Variants in TMEM45B observed in about 807,000 individuals in gnomAD.
TMEM45B encodes the protein transmembrane protein 45B.
In TMEM45B, 29 loss-of-function variants were observed where a neutral mutation model predicts 27.3. The ratio of observed to expected loss-of-function variants is 1.06; its 90% confidence interval spans 0.79 to 1.45. The LOEUF (loss-of-function observed/expected upper bound fraction) is 1.45. TMEM45B is among the 40% of genes most tolerant of loss of function. The probability of loss-of-function intolerance (pLI) is 0.00; values close to 1 mark genes in which losing one functional copy is unlikely to be tolerated. For missense variants in TMEM45B, 348 were observed against 343.9 expected, an observed-to-expected ratio of 1.01 and a Z score of -0.09; for synonymous variants, 143 against 134.7, an observed-to-expected ratio of 1.06 and a Z score of -0.43.
intron 1 of TMEM45B, among the ~76,000 whole-genome samples, chr11:129,831,783 A>C (rs4635087): frequency 0.28 from 43,278 of 151,960 alleles, 6,477 homozygotes; most frequent in South Asian, 0.35. Flanking sequence ...AAAGGAATGA[A>C]GTGGCCAGGC....
At chr11:129,830,028 G>T (rs1485190270) in intron 1 of TMEM45B, among the ~76,000 whole-genome samples, 1 of 152,220 alleles carries the variant, frequency 6.6e-6, no homozygotes, top group Admixed American at 6.5e-5. Flanking sequence ...ATATACAAAA[G>T]TTAAGTCAAA....
intron 1 of TMEM45B, among the ~76,000 whole-genome samples, chr11:129,851,543 CAA>C (rs71057982): frequency 0.4 from 22,240 of 54,986 alleles, 5,573 homozygotes; most frequent in South Asian, 0.51. Context: ...AACTCTGCCT[CAA>C]AAAAAAAAAA....
intron 1 of TMEM45B, among the ~76,000 whole-genome samples, chr11:129,832,122 G>A (rs527657321): frequency 1.4e-5 from 2 of 143,964 alleles, no homozygotes; most frequent in South Asian, 2.2e-4. Flanking sequence ...TGTAATCCCA[G>A]CACTTTGGGA....
intron 1 of TMEM45B, among the ~76,000 whole-genome samples, chr11:129,832,412 C>T (rs1178386034): frequency 1.3e-5 from 2 of 152,020 alleles, no homozygotes; most frequent in Non-Finnish European, 2.9e-5. Context: ...CATGCTATAC[C>T]ATGGATGAAT....
In TMEM45B at chr11:129,841,525, A is replaced by G. The variant is rs1002956933; in HGVS notation, c.-8-10950A>G. Among the ~76,000 whole-genome samples the G allele has an allele frequency of 2.3e-4, 32 of 137,704 alleles. No homozygotes were observed. In the Admixed American group the frequency reaches 2.5e-3, roughly 11 times the overall value. 90.3% of individuals were successfully genotyped at this position (137,704 alleles called of 152,430 possible). Reference sequence around the variant, plus strand: ...GGGACTTGAAAACTGGCCTTCTCCAACCCCCACACAGAGGGACTGACAGGG... The same window carrying G: ...GGGACTTGAAAACTGGCCTTCTCCAGCCCCCACACAGAGGGACTGACAGGG... On this transcript the variant is annotated intron_variant, in intron 1 of 5. Coordinates refer to ENST00000281441, the MANE Select transcript of TMEM45B (RefSeq NM_138788.5).
chr11:129,823,582 T>C (rs535495155), intron 1 of TMEM45B, among the ~76,000 whole-genome samples: 281 of 152,312 alleles, frequency 1.8e-3, no homozygotes, highest in South Asian at 0.012. Flanking sequence ...AACTAGCCCT[T>C]CCTACCTGTC....
chr11:129,854,749 C>G lies in TMEM45B; in HGVS notation c.318C>G (p.Thr106=). 6.2e-7 allele frequency: 1 copy of G among 1,614,238 alleles called. No homozygotes were observed. Among genetic ancestry groups the G allele is most frequent in the Non-Finnish European group, 8.5e-7 (1 of 1,180,044 alleles). The change falls in exon 3 of 6, where the codon ACC becomes ACG. Residue 106 remains threonine (T), a synonymous_variant. Transcript: ENST00000281441. ...TCTCAGGAATTGTTGACATGCTCAC[C>G]TATCTGGTCAGCCACGTTCCCTTGG... ...FAVSGIVDML[T]YLVSHVPLGV...
intron 1 of TMEM45B, among the ~76,000 whole-genome samples, chr11:129,835,660 T>C (rs1257899670): frequency 6.6e-6 from 1 of 152,174 alleles, no homozygotes. Flanking sequence ...CAGGGGCAGG[T>C]CTGGTGCCAC....
In TMEM45B at chr11:129,826,567, A is replaced by AAAAAAAAAAAAAGAAAAAT. The variant is rs1199881268; in HGVS notation, c.-9+10670_-9+10671insAAAAAAAAAAAGAAAAATA. Among the ~76,000 whole-genome samples the AAAAAAAAAAAAAGAAAAAT allele has an allele frequency of 5.2e-5, 5 of 96,124 alleles. 1 individual carries two copies. Among genetic ancestry groups the AAAAAAAAAAAAAGAAAAAT allele is most frequent in the Non-Finnish European group, 4.0e-5 (2 of 49,886 alleles). 63.1% of individuals were successfully genotyped at this position (96,124 alleles called of 152,430 possible). On this transcript the variant is annotated intron_variant, in intron 1 of 5. Coordinates refer to ENST00000281441, the MANE Select transcript of TMEM45B (RefSeq NM_138788.5). ...CTGTCACAAAAAAAAAAAAAAAAAA[A>AAAAAAAAAAAAAGAAAAAT]AGGACCCTGAGAGGCTATGTGTCTT...
At chr11:129,846,338 C>T (rs761738826) in intron 1 of TMEM45B, among the ~76,000 whole-genome samples, 1 of 152,064 alleles carries the variant, frequency 6.6e-6, no homozygotes, top group Non-Finnish European at 1.5e-5. Flanking sequence ...CGTGGTGGCA[C>T]CATCCTTCAT....
At chr11:129,838,769 C>T (rs1947655382) in intron 1 of TMEM45B, among the ~76,000 whole-genome samples, 1 of 152,176 alleles carries the variant, frequency 6.6e-6, no homozygotes. Context: ...TTAGAGAGTG[C>T]TGGTTGCCAA....
In TMEM45B at chr11:129,852,477, G is replaced by A. The variant is rs746800847; in HGVS notation, c.-6G>A. ...ACAGCCTTCCCCTAATTTTTTAGGT[G>A]TCCTGATGGCAAATTTCAAGGGCCA... On this transcript the variant is annotated splice_region_variant and 5_prime_UTR_variant, in exon 2 of 6. Transcript: ENST00000281441. 6.3e-7 allele frequency: 1 copy of A among 1,586,180 alleles called. No individual in the cohort carries two copies. Among genetic ancestry groups the A allele is most frequent in the Non-Finnish European group, 8.6e-7 (1 of 1,159,098 alleles).
At chr11:129,858,163 C>T (rs982711620) in intron 5 of TMEM45B, among the ~76,000 whole-genome samples, 14 of 152,128 alleles carry the variant, frequency 9.2e-5, no homozygotes, top group Admixed American at 9.2e-4. Context: ...ATTTGCTGTT[C>T]GGCTGCCTCT....
rs1333498919 is a variant in TMEM45B at position 129,859,331 on chromosome 11, TCTA to T, written c.*649_*651del. On this transcript the variant is annotated 3_prime_UTR_variant, in exon 6 of 6. Coordinates refer to ENST00000281441, the MANE Select transcript of TMEM45B (RefSeq NM_138788.5). ...TTAAATCAGGAAGCTGGTTACTGGC[TCTA>T]CTGAGAGTTGGAGCCCTGATGTTCT... The T allele has an allele frequency of 2.0e-5, 3 of 152,260 alleles. No individual in the cohort carries two copies. The highest frequency in any genetic ancestry group is 2.1e-4 in the South Asian group (1 of 4,824). 9.4% of individuals were successfully genotyped at this position (152,260 alleles called of 1,614,324 possible).
intron 1 of TMEM45B, among the ~76,000 whole-genome samples, chr11:129,825,595 C>T (rs184304803): frequency 4.8e-4 from 73 of 151,980 alleles, no homozygotes; most frequent in African/African-American, 1.7e-3. Context: ...CATGGGTGTG[C>T]GTGAGAGTTC....
intron 4 of TMEM45B, among the ~76,000 whole-genome samples, chr11:129,856,647 C>A (rs1424006849): frequency 6.7e-6 from 1 of 149,000 alleles, no homozygotes; most frequent in Admixed American, 6.7e-5. Context: ...GCAAGCTCCA[C>A]CTCCCAGGTT....
intron 1 of TMEM45B, among the ~76,000 whole-genome samples, chr11:129,825,161 G>A (rs1446218565): frequency 2.0e-5 from 3 of 152,246 alleles, no homozygotes; most frequent in East Asian, 3.9e-4. Context: ...TAGAGGCCTC[G>A]CAGTGTTTAG....
At chr11:129,838,584 G>A (rs1335233918) in intron 1 of TMEM45B, among the ~76,000 whole-genome samples, 1 of 151,974 alleles carries the variant, frequency 6.6e-6, no homozygotes, top group Non-Finnish European at 1.5e-5. Context: ...TCTTTTTAAC[G>A]GTTATATAAT....
rs562750252 is a variant in TMEM45B at position 129,832,057 on chromosome 11, T to C, written c.-9+16159T>C. Among the ~76,000 whole-genome samples, 67 of 47,074 alleles carry C rather than the reference T, an allele frequency of 1.4e-3. No individual in the cohort carries two copies. The Middle Eastern group carries it at 0.054, about 38-fold the overall frequency. The allele number at this position is 47,074 out of a possible 152,430, so 30.9% of individuals were successfully genotyped here. Reference sequence around the variant, plus strand: ...CTCCAGCCTGGGCGACAGAGCGAGATTCCATCTCAAAAAAAAAAAAAAAAA... The same window carrying C: ...CTCCAGCCTGGGCGACAGAGCGAGACTCCATCTCAAAAAAAAAAAAAAAAA... On this transcript the variant is annotated intron_variant, in intron 1 of 5. Transcript: ENST00000281441.
Sources: gnomAD v4.1 joint callset for allele counts (sites outside exome capture counted in the v4.1 genomes callset) on GRCh38, gnomAD v4.1.1 for gene constraint, MANE v1.5 for transcripts, NCBI Gene and HGNC (gene_info 2026-07-23, HGNC 2026-07-21) for gene names.